Variants in ARAP3 observed in about 807,000 individuals in gnomAD.
ARAP3 encodes the protein arf-GAP with Rho-GAP domain, ANK repeat and PH domain-containing protein 3.
A neutral mutation model predicts 169.2 loss-of-function variants in ARAP3; 82 were observed. The ratio of observed to expected loss-of-function variants is 0.48; its 90% CI spans 0.41 to 0.58. The LOEUF (loss-of-function observed/expected upper bound fraction) is 0.58. Ranked by LOEUF, ARAP3 falls within the 20% of genes least tolerant of loss-of-function variation. ARAP3 has a pLI of 0.00. For synonymous variants in ARAP3, 791 were observed against 800.3 expected, an observed-to-expected ratio of 0.99 and a Z score of 0.20; for missense variants, 1,764 against 2,018.0, an observed-to-expected ratio of 0.87 and a Z score of 2.41.
At chr5:141,681,826 G>A (rs1335181175) in intron 1 of ARAP3, among the ~76,000 whole-genome samples, 1 of 152,068 alleles carries the variant, frequency 6.6e-6, no homozygotes, top group Non-Finnish European at 1.5e-5. Context: ...CTCCAGCTGG[G>A]CCTCATTCCC....
In ARAP3 at chr5:141,679,547, G is replaced by A. The variant is rs1358095023; in HGVS notation, c.696C>T (p.His232=). 1 of 1,613,928 alleles carries A rather than the reference G, an allele frequency of 6.2e-7. No individual in the cohort carries two copies. The highest frequency in any genetic ancestry group is 8.5e-7 in the Non-Finnish European group (1 of 1,179,984). Residue 232 remains histidine (H), a splice_region_variant and synonymous_variant, in exon 4 of 33, where the codon CAC becomes CAT. Transcript: ENST00000239440. Reference sequence around the variant, plus strand: ...CCACTTCCCTATTTAGTACTCACCTGTGTTCAGCCCTGCCCTGACAAACAC... The same window carrying A: ...CCACTTCCCTATTTAGTACTCACCTATGTTCAGCCCTGCCCTGACAAACAC... ...SRGVCQGRAE[H]RLSRQDLEAR...
chr5:141,669,889 G>C, intron 15 of ARAP3, 33 bp downstream of exon 15: 1 of 1,609,170 alleles, frequency 6.2e-7, no homozygotes, highest in Non-Finnish European at 8.5e-7. Context: ...AAGAGAAAAG[G>C]GGGAAGCTCA....
At position 141,670,532 on chromosome 5, in the gene ARAP3, G is replaced by T; in HGVS notation, c.2087C>A (p.Pro696His). ...CTCACCATCCCGGCCCCTGCGAGGG[G>T]GTGAGGGTCCAGCTTTGTTGCTGAC... ...SPVSNKAGPS[P>H]PRRGRDAPPR... The change falls in exon 14 of 33, where the codon CCC becomes CAC. Residue 696 changes from proline (P) to histidine (H), a missense_variant. Transcript: ENST00000239440. 6.2e-7 allele frequency: 1 copy of T among 1,614,022 alleles called. No homozygotes were observed. The highest frequency in any genetic ancestry group is 8.5e-7 in the Non-Finnish European group (1 of 1,179,930).
At position 141,661,924 on chromosome 5, in the gene ARAP3, T is replaced by A. The variant is rs919979854; in HGVS notation, c.3013+119A>T. 6 of 1,504,368 alleles carry A rather than the reference T, an allele frequency of 4.0e-6. No individual in the cohort carries two copies. In the Admixed American group the frequency reaches 5.2e-5, roughly 13 times the overall value. The allele number at this position is 1,504,368 out of a possible 1,614,324, so 93.2% of individuals were successfully genotyped here. Reference sequence around the variant, plus strand: ...CCTTCCCACCTCCCCCTGAGCCAAGTCTCTGGATGATCCCCCAGGGTGGGA... The same window carrying A: ...CCTTCCCACCTCCCCCTGAGCCAAGACTCTGGATGATCCCCCAGGGTGGGA... On this transcript the variant is annotated intron_variant, in intron 20 of 32. Transcript: ENST00000239440.
Position 141,658,436 on chromosome 5 carries a change from A to G in ARAP3, c.3455T>C (p.Leu1152Pro). The G allele has an allele frequency of 2.5e-6, 4 of 1,614,176 alleles. No individual in the cohort carries two copies. The highest frequency in any genetic ancestry group is 3.4e-6 in the Non-Finnish European group (4 of 1,180,036). ...LTAEELTNQV[L>P]EMRGTAAGMD... ...CCCAGCTGCTGTCCCCCGCATCTCC[A>G]GTACCTGGTTAGTCAGCTCCTCAGC... The change falls in exon 25 of 33, where the codon CTG becomes CCG. Residue 1152 changes from leucine to proline, a missense_variant. Physicochemically the swap from Leu to Pro is moderately conservative, Grantham distance 98. This residue lies in a region of ARAP3 where 1,112 missense variants were observed against 1,285.7 expected (regional missense o/e 0.86). Coordinates refer to ENST00000239440, the MANE Select transcript of ARAP3 (RefSeq NM_022481.6).
intron 19 of ARAP3, among the ~76,000 whole-genome samples, 158 bp downstream of exon 19, chr5:141,664,764 A>G (rs1562410911): frequency 6.6e-6 from 1 of 152,176 alleles, no homozygotes; most frequent in Non-Finnish European, 1.5e-5. Flanking sequence ...CAGCCTGCCA[A>G]GAGTCAAATG....
At position 141,654,275 on chromosome 5, in the gene ARAP3, T is replaced by G. The variant is rs1256919694; in HGVS notation, c.4310A>C (p.Asn1437Thr). 1 of 1,613,716 alleles carries G rather than the reference T, an allele frequency of 6.2e-7. No homozygotes were observed. The highest frequency in any genetic ancestry group is 1.1e-5 in the South Asian group (1 of 91,060). The change falls in exon 33 of 33, where the codon AAC becomes ACC. Residue 1437 changes from asparagine (N) to threonine (T), a missense_variant. By Grantham distance (65) the Asn-to-Thr change is moderately conservative (BLOSUM62 0). This residue lies in a region of ARAP3 where 1,112 missense variants were observed against 1,285.7 expected (regional missense o/e 0.86). Transcript: ENST00000239440. ...TTREWTVKPENPLTSQKSLDQ... is the reference protein window; with the variant it reads ...TTREWTVKPETPLTSQKSLDQ... ...CAATGACTTCTGGCTGGTGAGGGGG[T>G]TCTCTGGCTTCACTGTCCACTCCCG... is the stretch of plus-strand genomic sequence containing the variant.
At chr5:141,670,705 A>G in intron 13 of ARAP3, 77 bp from the exon 14 acceptor site, 6 of 1,270,274 alleles carry the variant, frequency 4.7e-6, no homozygotes, top group Non-Finnish European at 6.8e-6. Context: ...AAGGGATGAA[A>G]TGGAGAAAGA....
rs1376136946 is a variant in ARAP3, at chr5:141,672,733, C to T, written c.1278+8G>A. 1.2e-6 allele frequency: 2 copies of T among 1,614,056 alleles called. No individual in the cohort carries two copies. Among genetic ancestry groups the T allele is most frequent in the Non-Finnish European group, 1.7e-6 (2 of 1,180,022 alleles). ...CAGGCCCCTCAGCCCTGGCCCGGCT[C>T]TCCTCACCTGCTCACTCTTGTACAG... On this transcript the variant is annotated splice_region_variant and intron_variant, in intron 8 of 32. Coordinates refer to ENST00000239440, the MANE Select transcript of ARAP3 (RefSeq NM_022481.6). The surrounding 1 kb of genome is among the most constrained non-coding windows in gnomAD (Gnocchi z 4.9).
chr5:141,658,254 T>C, intron 25 of ARAP3, 111 bp downstream of exon 25: 1 of 1,053,248 alleles, frequency 9.5e-7, no homozygotes. Context: ...GGATGAGTCA[T>C]CCATGAGTTA....
rs768921061 is a variant in ARAP3 at position 141,654,020 on chromosome 5, G to A, written c.4565C>T (p.Thr1522Ile). 1 of 1,574,868 alleles carries A rather than the reference G, an allele frequency of 6.3e-7. No individual in the cohort carries two copies. Among genetic ancestry groups the A allele is most frequent in the Non-Finnish European group, 8.6e-7 (1 of 1,162,066 alleles). Residue 1522 changes from threonine to isoleucine, a missense_variant, in exon 33 of 33, where the codon ACA becomes ATA. By Grantham distance (89) the Thr-to-Ile change is moderately conservative. This residue lies in a region of ARAP3 where 1,112 missense variants were observed against 1,285.7 expected (regional missense o/e 0.86). Coordinates refer to ENST00000239440, the MANE Select transcript of ARAP3 (RefSeq NM_022481.6). ...TTGGGTGGGGAAGCCAGGTGTCTGT[G>A]TTGGAAGGCCAGTGGGGCTGGGGGA... ...PQSPSPTGLP[T>I]QTPGFPTQPP...
intron 23 of ARAP3, among the ~76,000 whole-genome samples, chr5:141,659,083 T>A (rs1242384727): frequency 6.6e-6 from 1 of 152,238 alleles, no homozygotes; most frequent in Non-Finnish European, 1.5e-5. Context: ...CTCACTGCTT[T>A]GTCTGACTTT....
intron 17 of ARAP3, among the ~76,000 whole-genome samples, chr5:141,666,039 C>CAAAAA (rs764552450): frequency 3.4e-5 from 4 of 116,254 alleles, no homozygotes; most frequent in Admixed American, 9.2e-5. Context: ...ACTCTGTCTC[C>CAAAAA]AAAAAAAAAA....
chr5:141,655,408 C>G lies in ARAP3; in HGVS notation c.4111-8G>C, dbSNP rs2099909150. ...CCGGTTGTGTAGTCGCCGCTGGACA[C>G]AGGTGGGGTGGGGACAAGGGGAAGG... On this transcript the variant is annotated splice_region_variant and splice_polypyrimidine_tract_variant and intron_variant, in intron 31 of 32. Coordinates refer to ENST00000239440, the MANE Select transcript of ARAP3 (RefSeq NM_022481.6). The G allele has an allele frequency of 6.3e-7, 1 of 1,587,732 alleles. No individual in the cohort carries two copies. The highest frequency in any genetic ancestry group is 8.6e-7 in the Non-Finnish European group (1 of 1,166,864).
chr5:141,655,921 C>T lies in ARAP3; in HGVS notation c.3920G>A (p.Cys1307Tyr). The change falls in exon 30 of 33, where the codon TGC becomes TAC. Residue 1307 changes from cysteine to tyrosine, a missense_variant. Coordinates refer to ENST00000239440, the MANE Select transcript of ARAP3 (RefSeq NM_022481.6). Reference sequence around the variant, plus strand: ...ATCCCACATTTCATCCTCGTCAGTGCAGGACAAGTAGCTGGGGTGATCAGA... The same window carrying T: ...ATCCCACATTTCATCCTCGTCAGTGTAGGACAAGTAGCTGGGGTGATCAGA... ...ILEKMHLYLS[C>Y]TDEDEMWDWT... 6.2e-7 allele frequency: 1 copy of T among 1,613,994 alleles called. No individual in the cohort carries two copies. Among genetic ancestry groups the T allele is most frequent in the Non-Finnish European group, 8.5e-7 (1 of 1,179,920 alleles).
intron 19 of ARAP3, 105 bp downstream of exon 19, chr5:141,664,817 C>G: frequency 7.4e-7 from 1 of 1,353,710 alleles, no homozygotes; most frequent in Non-Finnish European, 1.0e-6. Context: ...CAAAGCTCTT[C>G]CAGGCTGTGC....
At chr5:141,674,277 GTCTC>G (rs146191411) in intron 4 of ARAP3, among the ~76,000 whole-genome samples, 1 of 149,648 alleles carries the variant, frequency 6.7e-6, no homozygotes, top group Non-Finnish European at 1.5e-5. Flanking sequence ...TTGAGACAGG[GTCTC>G]TCTCTCTCTC....
Position 141,671,753 on chromosome 5 carries a change from C to A in ARAP3, c.1672-1G>T. The A allele has an allele frequency of 6.3e-7, 1 of 1,597,536 alleles. No homozygotes were observed. The highest frequency in any genetic ancestry group is 1.1e-5 in the South Asian group (1 of 88,316). On this transcript the variant is annotated splice_acceptor_variant, in intron 11 of 32. Coordinates refer to ENST00000239440, the MANE Select transcript of ARAP3 (RefSeq NM_022481.6). LOFTEE classifies it high-confidence loss of function. The surrounding 1 kb of genome is among the most constrained non-coding windows in gnomAD (Gnocchi z 4.9). Reference sequence around the variant, plus strand: ...GATCATTTCCCAGGACAATGAATAACTGTGGGATGACAAGGGACAAAGGCA... The same window carrying A: ...GATCATTTCCCAGGACAATGAATAAATGTGGGATGACAAGGGACAAAGGCA...
chr5:141,678,952 A>G (rs1175844115), intron 4 of ARAP3, among the ~76,000 whole-genome samples: 2 of 152,246 alleles, frequency 1.3e-5, no homozygotes, highest in African/African-American at 2.4e-5. Context: ...CATCCGGTGC[A>G]TGATAGTTGC....
Sources: gnomAD v4.1 joint callset for allele counts (sites outside exome capture counted in the v4.1 genomes callset) on GRCh38, gnomAD v4.1.1 for gene constraint, gnomAD v4.1.1 regional missense constraint, Gnocchi (gnomAD v3.1) non-coding constraint, MANE v1.5 for transcripts, NCBI Gene and HGNC (gene_info 2026-07-23, HGNC 2026-07-21) for gene names.